SPAG16: variants seen among roughly 807,000 people sequenced by gnomAD.
The protein encoded by SPAG16 is sperm associated antigen 16, also known as sperm-associated antigen 16 protein.
In SPAG16, 86 loss-of-function variants were observed where a neutral mutation model predicts 80.4. The ratio of observed to expected loss-of-function variants is 1.07; its 90% confidence interval spans 0.90 to 1.28. The LOEUF (loss-of-function observed/expected upper bound fraction) is 1.28, where lower values mean the gene tolerates loss of function less well. Among genes scored for constraint, SPAG16 ranks in the 50% most tolerant of loss-of-function variants. The pLI, the probability that SPAG16 is intolerant of heterozygous loss-of-function variation, is 0.00. For missense variants in SPAG16, 870 were observed against 765.3 expected, an observed-to-expected ratio of 1.14 and a Z score of -1.61; for synonymous variants, 294 against 265.9, an observed-to-expected ratio of 1.11 and a Z score of -1.03.
At chr2:214,325,881 A>G (rs985204533) in intron 15 of SPAG16, among the ~76,000 whole-genome samples, 1 of 152,180 alleles carries the variant, frequency 6.6e-6, no homozygotes, top group Non-Finnish European at 1.5e-5. Context: ...GTAGTATTTT[A>G]TGATTTCCAA....
At chr2:214,002,677 C>T (rs1380750815) in intron 12 of SPAG16, among the ~76,000 whole-genome samples, 1 of 152,110 alleles carries the variant, frequency 6.6e-6, no homozygotes, top group Non-Finnish European at 1.5e-5. Context: ...AGTCCTGGTC[C>T]AAGTTCAAAG....
chr2:213,930,768 A>G (rs952229725), intron 12 of SPAG16, among the ~76,000 whole-genome samples: 3 of 152,176 alleles, frequency 2.0e-5, no homozygotes, highest in African/African-American at 7.2e-5. Flanking sequence ...TTGGATGCTC[A>G]TTACCTTCTG....
intron 10 of SPAG16, among the ~76,000 whole-genome samples, chr2:213,753,430 G>T (rs192498937): frequency 5.9e-5 from 9 of 152,242 alleles, no homozygotes; most frequent in African/African-American, 2.2e-4. Context: ...ATTATTTATG[G>T]TTCTATAAGA....
intron 9 of SPAG16, among the ~76,000 whole-genome samples, chr2:213,404,773 C>G (rs533374483): frequency 1.3e-5 from 2 of 152,256 alleles, no homozygotes; most frequent in East Asian, 3.9e-4. Context: ...AATCTTTTTA[C>G]AAATGCTTTG....
At chr2:213,760,381 T>C (rs1395944734) in intron 10 of SPAG16, among the ~76,000 whole-genome samples, 1 of 152,120 alleles carries the variant, frequency 6.6e-6, no homozygotes, top group African/African-American at 2.4e-5. Flanking sequence ...TTATAACAAG[T>C]ATAAACATTT....
chr2:214,322,786 C>T (rs909904837), intron 15 of SPAG16, among the ~76,000 whole-genome samples: 3 of 152,198 alleles, frequency 2.0e-5, no homozygotes, highest in Non-Finnish European at 4.4e-5. Context: ...GAAGGTGAGT[C>T]GGTAATAAGC....
intron 13 of SPAG16, among the ~76,000 whole-genome samples, chr2:214,076,318 G>C (rs1480740316): frequency 6.6e-6 from 1 of 152,068 alleles, no homozygotes; most frequent in African/African-American, 2.4e-5. Context: ...TTAGTTAACA[G>C]AAAGAAGGTA....
intron 1 of SPAG16, among the ~76,000 whole-genome samples, chr2:213,293,033 G>A (rs1280725786): frequency 6.6e-6 from 1 of 152,124 alleles, no homozygotes; most frequent in Non-Finnish European, 1.5e-5. Flanking sequence ...TAATCCGTAT[G>A]TGTCAAGGGC....
chr2:214,311,169 G>A (rs1695278193), intron 15 of SPAG16, among the ~76,000 whole-genome samples: 1 of 152,140 alleles, frequency 6.6e-6, no homozygotes, highest in Non-Finnish European at 1.5e-5. Flanking sequence ...TCTGTTCCGA[G>A]GAGCGCTTTG....
At chr2:214,280,495 T>A (rs1477311470) in intron 15 of SPAG16, 1 of 159,576 alleles carries the variant, frequency 6.3e-6, no homozygotes, top group Non-Finnish European at 1.4e-5. Context: ...TAATCAAGAC[T>A]ATTGGACTGG....
chr2:213,291,789 T>C (rs2062284429), intron 1 of SPAG16, among the ~76,000 whole-genome samples: 1 of 152,246 alleles, frequency 6.6e-6, no homozygotes, highest in South Asian at 2.1e-4. Flanking sequence ...CATTCACAGC[T>C]GTGTGATCTT....
At chr2:214,362,565 C>G (rs1699248637) in intron 15 of SPAG16, among the ~76,000 whole-genome samples, 1 of 151,850 alleles carries the variant, frequency 6.6e-6, no homozygotes, top group South Asian at 2.1e-4. Context: ...CCTCTCCAGC[C>G]TCATAGCCTA....
chr2:213,518,412 T>C (rs1212798665), intron 10 of SPAG16, among the ~76,000 whole-genome samples: 1 of 152,182 alleles, frequency 6.6e-6, no homozygotes, highest in Non-Finnish European at 1.5e-5. Context: ...TGGGACTACA[T>C]GCTGAGGCAG....
intron 10 of SPAG16, among the ~76,000 whole-genome samples, chr2:213,732,896 A>G (rs1182821099): frequency 6.6e-6 from 1 of 152,172 alleles, no homozygotes; most frequent in East Asian, 1.9e-4. Flanking sequence ...TATACCCAGT[A>G]ATGGGATTGC....
chr2:213,714,033 T>C (rs1380690703), intron 10 of SPAG16, among the ~76,000 whole-genome samples: 1 of 152,208 alleles, frequency 6.6e-6, no homozygotes, highest in African/African-American at 2.4e-5. Flanking sequence ...AGAGCTTTGC[T>C]TCCAGCGACC....
intron 9 of SPAG16, among the ~76,000 whole-genome samples, chr2:213,456,223 A>G (rs557637363): frequency 6.6e-5 from 10 of 152,302 alleles, no homozygotes; most frequent in East Asian, 3.9e-4. Context: ...AAGAATTTGT[A>G]TGCTGTAATT....
intron 15 of SPAG16, among the ~76,000 whole-genome samples, chr2:214,241,889 T>TAA (rs71037353): frequency 6.7e-6 from 1 of 148,220 alleles, no homozygotes; most frequent in Non-Finnish European, 1.5e-5. Context: ...GTAAGTTGTA[T>TAA]AAAAAAAAAA....
At chr2:214,089,475 C>G (rs566501078) in intron 13 of SPAG16, among the ~76,000 whole-genome samples, 1 of 152,122 alleles carries the variant, frequency 6.6e-6, no homozygotes, top group African/African-American at 2.4e-5. Context: ...CCCTGACTTT[C>G]CTTTAAATGA....
intron 10 of SPAG16, among the ~76,000 whole-genome samples, chr2:213,679,335 A>G (rs1260994506): frequency 6.6e-6 from 1 of 152,216 alleles, no homozygotes; most frequent in African/African-American, 2.4e-5. Context: ...TCCAAGAACC[A>G]GATAATAATT....
Sources: gnomAD v4.1 joint callset for allele counts (sites outside exome capture counted in the v4.1 genomes callset) on GRCh38, gnomAD v4.1.1 for gene constraint, MANE v1.5 for transcripts, NCBI Gene and HGNC (gene_info 2026-07-23, HGNC 2026-07-21) for gene names.